Variants in ZNRF2 observed in about 807,000 individuals in gnomAD.
The protein encoded by ZNRF2 is E3 ubiquitin-protein ligase ZNRF2.
ZNRF2 carries 16 observed loss-of-function variants against 20.4 expected under a neutral mutation model. That is an observed-to-expected ratio of 0.79 (90% CI 0.53 to 1.19). The LOEUF is 1.19. ZNRF2 is among the 50% of genes most tolerant of loss of function. The pLI, the probability that ZNRF2 is intolerant of heterozygous loss-of-function variation, is 0.00. For synonymous variants in ZNRF2, 178 were observed against 144.9 expected (o/e 1.23, Z -1.64); for missense variants, 363 against 332.4 (o/e 1.09, Z -0.72).
At position 30,312,448 on chromosome 7, in the gene ZNRF2, T is replaced by C. The variant is rs114240594; in HGVS notation, c.470-11194T>C. On this transcript the variant is annotated intron_variant, in intron 1 of 4. Transcript: ENST00000323037. ...TGAGCCATGCTTTAAAAATGTCTTT[T>C]AGCTGTTCAGAGCTGTCTTTGTTCA... Among the ~76,000 whole-genome samples, 1,199 of 152,288 alleles carry C rather than the reference T, an allele frequency of 7.9e-3. 20 individuals are homozygous for C. The highest frequency in any genetic ancestry group is 0.027 in the African/African-American group (1,114 of 41,554).
intron 2 of ZNRF2, among the ~76,000 whole-genome samples, chr7:30,349,618 T>G (rs1039841460): frequency 1.3e-5 from 2 of 152,046 alleles, no homozygotes; most frequent in African/African-American, 4.8e-5. Flanking sequence ...TTACCCAGAT[T>G]GCTGGACTCT....
chr7:30,302,040 AC>A (rs1392086378), intron 1 of ZNRF2, among the ~76,000 whole-genome samples: 1 of 152,206 alleles, frequency 6.6e-6, no homozygotes, highest in African/African-American at 2.4e-5. Context: ...GAACACTGAT[AC>A]GCTTACTTCA....
intron 3 of ZNRF2, among the ~76,000 whole-genome samples, chr7:30,358,392 CTT>C (rs1429445311): frequency 1.3e-5 from 2 of 152,068 alleles, no homozygotes; most frequent in African/African-American, 4.8e-5. Context: ...AATTTGAAAA[CTT>C]TATTGAAAGA....
rs1201035535 is a variant in ZNRF2, at chr7:30,367,487, T to C, written c.*1475T>C. 6.6e-6 allele frequency: 1 copy of C among 152,210 alleles called. No homozygotes were observed. Among genetic ancestry groups the C allele is most frequent in the Non-Finnish European group, 1.5e-5 (1 of 67,890 alleles). The allele number at this position is 152,210 out of a possible 1,614,324, so 9.4% of individuals were successfully genotyped here. Reference sequence around the variant, plus strand: ...TTGCACAGTAAGTACTGTTTCCTTATTTTAATCTTTCTTTACTCATAATGT... The same window carrying C: ...TTGCACAGTAAGTACTGTTTCCTTACTTTAATCTTTCTTTACTCATAATGT... On this transcript the variant is annotated 3_prime_UTR_variant, in exon 5 of 5. Transcript: ENST00000323037.
chr7:30,335,288 C>G (rs1799700497), intron 2 of ZNRF2, among the ~76,000 whole-genome samples: 1 of 152,018 alleles, frequency 6.6e-6, no homozygotes, highest in Non-Finnish European at 1.5e-5. Context: ...TTCCAAGAAC[C>G]CTTTCTTGAG....
At chr7:30,313,037 G>T (rs1799314930) in intron 1 of ZNRF2, among the ~76,000 whole-genome samples, 1 of 152,178 alleles carries the variant, frequency 6.6e-6, no homozygotes, top group Non-Finnish European at 1.5e-5. Flanking sequence ...CGAAACACTT[G>T]ATAAGTAGAA....
chr7:30,355,987 A>T (rs1248352029), intron 3 of ZNRF2, among the ~76,000 whole-genome samples, 154 bp downstream of exon 3: 1 of 152,182 alleles, frequency 6.6e-6, no homozygotes, highest in Admixed American at 6.5e-5. Context: ...TATTTGAACT[A>T]AGACTTGAAC....
chr7:30,346,202 T>TTTG (rs1799876587), intron 2 of ZNRF2, among the ~76,000 whole-genome samples: 1 of 126,010 alleles, frequency 7.9e-6, no homozygotes, highest in Non-Finnish European at 1.6e-5. Flanking sequence ...TTTTTTTTTT[T>TTTG]TTGTGCGTGT....
intron 1 of ZNRF2, among the ~76,000 whole-genome samples, chr7:30,319,707 G>A (rs1562611597): frequency 6.6e-6 from 1 of 152,192 alleles, no homozygotes; most frequent in Non-Finnish European, 1.5e-5. Flanking sequence ...ACCTTAGTAG[G>A]ATACTGGTGA....
At chr7:30,345,954 T>C (rs1799869924) in intron 2 of ZNRF2, among the ~76,000 whole-genome samples, 1 of 152,000 alleles carries the variant, frequency 6.6e-6, no homozygotes, top group South Asian at 2.1e-4. Context: ...TTTACACTCT[T>C]TATTTTTCTG....
chr7:30,291,509 C>G (rs13311149), intron 1 of ZNRF2, among the ~76,000 whole-genome samples: 7 of 152,264 alleles, frequency 4.6e-5, no homozygotes, highest in South Asian at 2.1e-4. Flanking sequence ...ATGTTGAAAA[C>G]ATGGCATTGG....
chr7:30,307,697 G>A (rs764154782), intron 1 of ZNRF2, among the ~76,000 whole-genome samples: 8 of 151,854 alleles, frequency 5.3e-5, no homozygotes, highest in Admixed American at 2.0e-4. Flanking sequence ...AGCAATAACC[G>A]TTAACCTGTT....
At chr7:30,342,308 A>G (rs1047835634) in intron 2 of ZNRF2, among the ~76,000 whole-genome samples, 2 of 151,916 alleles carry the variant, frequency 1.3e-5, no homozygotes, top group Non-Finnish European at 2.9e-5. Context: ...AGTTGATGCA[A>G]TTTCTTCATA....
intron 3 of ZNRF2, among the ~76,000 whole-genome samples, chr7:30,357,099 AT>A (rs1338857240): frequency 6.6e-6 from 1 of 152,224 alleles, no homozygotes; most frequent in Non-Finnish European, 1.5e-5. Context: ...GTCAAGCCAC[AT>A]ACACAAAAAA....
intron 2 of ZNRF2, among the ~76,000 whole-genome samples, chr7:30,348,610 C>T (rs528352006): frequency 1.7e-4 from 26 of 152,308 alleles, no homozygotes; most frequent in African/African-American, 6.0e-4. Flanking sequence ...TAATATACAT[C>T]TGGCCACCCT....
intron 1 of ZNRF2, among the ~76,000 whole-genome samples, chr7:30,291,738 A>G (rs1362130995): frequency 6.6e-6 from 1 of 152,190 alleles, no homozygotes; most frequent in African/African-American, 2.4e-5. Flanking sequence ...TGAGTCTCTA[A>G]TTCAGGATAT....
intron 1 of ZNRF2, among the ~76,000 whole-genome samples, chr7:30,314,715 T>G (rs1258548336): frequency 6.6e-6 from 1 of 152,124 alleles, no homozygotes; most frequent in East Asian, 1.9e-4. Context: ...ATTTTTTCAC[T>G]TGTTATGGGG....
intron 3 of ZNRF2, among the ~76,000 whole-genome samples, chr7:30,356,228 TC>T (rs1800035964): frequency 6.6e-6 from 1 of 152,048 alleles, no homozygotes; most frequent in Non-Finnish European, 1.5e-5. Context: ...CCAAAACCTG[TC>T]TGCTTTCTCA....
At chr7:30,332,387 TGAG>T (rs150562800) in intron 2 of ZNRF2, among the ~76,000 whole-genome samples, 2,071 of 152,292 alleles carry the variant, frequency 0.014, 50 homozygotes, top group African/African-American at 0.046. Context: ...AAATTTCGGT[TGAG>T]GAGGTGGGGT....
Sources: allele counts gnomAD v4.1 joint callset (sites outside exome capture counted in the v4.1 genomes callset), GRCh38; gene constraint gnomAD v4.1.1; transcripts MANE v1.5; gene names NCBI Gene and HGNC (gene_info 2026-07-23, HGNC 2026-07-21).